The following AGBL1 variants were observed in gnomAD, a reference collection of about 807,000 sequenced individuals.
The protein encoded by AGBL1 is AGBL carboxypeptidase 1.
A neutral mutation model predicts 118.9 loss-of-function variants in AGBL1; 130 were observed. That is an observed-to-expected ratio of 1.09 (90% CI 0.95 to 1.26). The LOEUF (loss-of-function observed/expected upper bound fraction) is 1.26, where lower values mean the gene tolerates loss of function less well. AGBL1 is among the 50% of genes most tolerant of loss of function. The pLI, the probability that AGBL1 is intolerant of heterozygous loss-of-function variation, is 0.00. For missense variants in AGBL1, 1,584 were observed against 1,298.1 expected (o/e 1.22, Z -3.38); for synonymous variants, 555 against 478.9 (o/e 1.16, Z -2.08).
At chr15:86,114,321 G>C (rs1254497628) in intron 1 of AGBL1, among the ~76,000 whole-genome samples, 1 of 152,234 alleles carries the variant, frequency 6.6e-6, no homozygotes, top group Non-Finnish European at 1.5e-5. Context: ...CCTTGGCAAG[G>C]AGTCCAGAAG....
intron 21 of AGBL1, among the ~76,000 whole-genome samples, chr15:86,656,718 T>G (rs2085466362): frequency 6.6e-6 from 1 of 152,180 alleles, no homozygotes; most frequent in Admixed American, 6.5e-5. Flanking sequence ...CCTTGTGACC[T>G]TCTTCCTTTA....
At chr15:86,680,217 C>T (rs1407300978) in intron 22 of AGBL1, among the ~76,000 whole-genome samples, 1 of 152,148 alleles carries the variant, frequency 6.6e-6, no homozygotes, top group South Asian at 2.1e-4. Flanking sequence ...TAATGACTTG[C>T]ATTGCTCATC....
In AGBL1 at chr15:86,750,676, C is replaced by T. The variant is rs910451970; in HGVS notation, c.3158+76240C>T. ...TTTTTAAACTTCAGGGGTACAAGTGCAGGTTTGTTGTGTAGGTAATTGTGT... is the reference window on the plus strand; with the variant it reads ...TTTTTAAACTTCAGGGGTACAAGTGTAGGTTTGTTGTGTAGGTAATTGTGT... On this transcript the variant is annotated intron_variant, in intron 22 of 22. Coordinates refer to ENST00000614907, the MANE Select transcript of AGBL1 (RefSeq NM_001386094.1). Among the ~76,000 whole-genome samples the T allele has an allele frequency of 8.2e-4, 125 of 151,874 alleles. 10 individuals are homozygous for T. Among genetic ancestry groups the T allele is most frequent in the Non-Finnish European group, 4.4e-5 (3 of 67,968 alleles).
intron 23 of AGBL1, among the ~76,000 whole-genome samples, chr15:86,921,907 G>C (rs2080485345): frequency 6.6e-6 from 1 of 152,118 alleles, no homozygotes; most frequent in Non-Finnish European, 1.5e-5. Context: ...GATGTTCAAG[G>C]TATAAAGTGA....
intron 1 of AGBL1, among the ~76,000 whole-genome samples, chr15:86,114,724 C>G (rs1330217694): frequency 6.6e-6 from 1 of 152,280 alleles, no homozygotes; most frequent in East Asian, 1.9e-4. Flanking sequence ...GATAAAACAA[C>G]TGTATGCTAG....
At chr15:86,178,928 C>T (rs971395787) in intron 5 of AGBL1, among the ~76,000 whole-genome samples, 7 of 152,188 alleles carry the variant, frequency 4.6e-5, no homozygotes, top group African/African-American at 1.7e-4. Flanking sequence ...GGCTCCTGGG[C>T]TCTCAATGCA....
chr15:86,082,874 T>C (rs1407204916), intron 1 of AGBL1, among the ~76,000 whole-genome samples: 1 of 152,168 alleles, frequency 6.6e-6, no homozygotes, highest in African/African-American at 2.4e-5. Flanking sequence ...ACAGCACAGG[T>C]GCGAGAGGCA....
At chr15:86,148,768 T>C (rs997342944) in intron 3 of AGBL1, among the ~76,000 whole-genome samples, 13 of 151,984 alleles carry the variant, frequency 8.6e-5, no homozygotes, top group Non-Finnish European at 1.5e-4. Flanking sequence ...ATTCAGGAAA[T>C]ACAGAGAACG....
At position 86,343,429 on chromosome 15, in the gene AGBL1, C is replaced by T. The variant is rs1595992352; in HGVS notation, c.2374+48021C>T. Among the ~76,000 whole-genome samples the T allele has an allele frequency of 2.6e-5, 4 of 152,206 alleles. No homozygotes were observed. In the South Asian group the frequency reaches 8.3e-4, roughly 32 times the overall value. ...TTGAGGCTAGGGGTCTTCCAGCTAG[C>T]CCCAGGATCCTGTACTATCCTTGCT... On this transcript the variant is annotated intron_variant, in intron 17 of 22. Transcript: ENST00000614907.
At chr15:86,396,208 CGT>C (rs200008596) in intron 17 of AGBL1, among the ~76,000 whole-genome samples, 2,905 of 135,896 alleles carry the variant, frequency 0.021, 36 homozygotes, top group Middle Eastern at 0.051. Context: ...AAATCATATA[CGT>C]GTGTGTGTAT....
At chr15:86,598,593 A>G (rs4887238) in intron 21 of AGBL1, among the ~76,000 whole-genome samples, 140,320 of 151,950 alleles carry the variant, frequency 0.92, 64,849 homozygotes, top group East Asian at 1. Context: ...CTAGGGCAGA[A>G]GTAGTGTCCT....
chr15:87,010,289 G>A lies in AGBL1; in HGVS notation c.3324-18536G>A, dbSNP rs72757498. 6.4e-4 allele frequency among the ~76,000 whole-genome samples: 98 copies of A among 152,160 alleles called. No homozygotes were observed. In the South Asian group the frequency reaches 8.7e-3, roughly 14 times the overall value. ...CCTGCACAAACTCTCTTCACCTGCC[G>A]CCCTCCATGTAAGATTGACTTGCTC... On this transcript the variant is annotated intron_variant, in intron 24 of 24. Transcript: ENST00000441037.
rs1372115121 is a variant in AGBL1, at chr15:86,236,592, C to G, written c.527-11079C>G. Among the ~76,000 whole-genome samples the G allele has an allele frequency of 2.6e-5, 4 of 151,922 alleles. No homozygotes were observed. The East Asian group carries it at 7.7e-4, about 29-fold the overall frequency. ...TACAGCTCTGAGGACTGGAGGAACACCAGGATCCTTAGTCTCGGGCCGAAT... is the reference window on the plus strand; with the variant it reads ...TACAGCTCTGAGGACTGGAGGAACAGCAGGATCCTTAGTCTCGGGCCGAAT... On this transcript the variant is annotated intron_variant, in intron 6 of 22. Coordinates refer to ENST00000614907, the MANE Select transcript of AGBL1 (RefSeq NM_001386094.1).
In AGBL1 at chr15:86,433,538, C is replaced by T. The variant is rs1009528988; in HGVS notation, c.2555+35992C>T. On this transcript the variant is annotated intron_variant, in intron 18 of 22. Coordinates refer to ENST00000614907, the MANE Select transcript of AGBL1 (RefSeq NM_001386094.1). ...AAATCCTGCCCCTTGACTGACAGAG[C>T]AGCAACTTTGACCGCCATTCACATT... Among the ~76,000 whole-genome samples the T allele has an allele frequency of 1.5e-4, 23 of 152,072 alleles. 1 individual carries two copies. Among genetic ancestry groups the T allele is most frequent in the Admixed American group, 5.9e-4 (9 of 15,270 alleles).
intron 21 of AGBL1, among the ~76,000 whole-genome samples, chr15:86,575,549 C>A (rs1489778546): frequency 1.3e-5 from 2 of 151,948 alleles, no homozygotes; most frequent in South Asian, 4.1e-4. Context: ...AAAGCTAAAG[C>A]ACAAACTAGC....
chr15:86,832,452 C>T (rs1337807201), intron 22 of AGBL1, among the ~76,000 whole-genome samples: 2 of 152,154 alleles, frequency 1.3e-5, no homozygotes, highest in Admixed American at 1.3e-4. Context: ...TAACAGTACC[C>T]TAGTCACCTC....
chr15:86,298,253 A>ATATATATATATATATATATATGGTAAC (rs2079680783), intron 17 of AGBL1, among the ~76,000 whole-genome samples: 1 of 78,414 alleles, frequency 1.3e-5, no homozygotes, highest in African/African-American at 7.3e-5. Flanking sequence ...TATAATATAT[A>ATATATATATATATATATATATGGTAAC]TATATATATA....
At chr15:86,115,598 T>C (rs1033239978) in intron 1 of AGBL1, among the ~76,000 whole-genome samples, 14 of 152,194 alleles carry the variant, frequency 9.2e-5, no homozygotes, top group African/African-American at 3.4e-4. Context: ...CTTAGTCACC[T>C]TCCAACATCT....
At chr15:86,793,197 A>G (rs1162084185) in intron 22 of AGBL1, among the ~76,000 whole-genome samples, 2 of 152,196 alleles carry the variant, frequency 1.3e-5, no homozygotes, top group Non-Finnish European at 2.9e-5. Context: ...CTTCCTCCCA[A>G]TACACATACT....
Sources: allele counts gnomAD v4.1 joint callset (sites outside exome capture counted in the v4.1 genomes callset), GRCh38; gene constraint gnomAD v4.1.1; transcripts MANE v1.5; gene names NCBI Gene and HGNC (gene_info 2026-07-23, HGNC 2026-07-21).